The following THSD7A variants were observed in gnomAD, a reference collection of about 807,000 sequenced individuals.
The protein encoded by THSD7A is thrombospondin type 1 domain containing 7A, also known as thrombospondin type-1 domain-containing protein 7A.
THSD7A carries 96 observed loss-of-function variants against 231.3 expected under a neutral mutation model. The ratio of observed to expected loss-of-function variants is 0.41; its 90% CI spans 0.35 to 0.49. The LOEUF is 0.49. Ranked by LOEUF, THSD7A falls within the 20% of genes least tolerant of loss-of-function variation. THSD7A has a pLI of 0.05. For synonymous variants in THSD7A, 940 were observed against 743.3 expected (o/e 1.26, Z -4.30); for missense variants, 2,290 against 2,070.2 (o/e 1.11, Z -2.06).
At chr7:11,705,556 T>C (rs1284691704) in intron 1 of THSD7A, among the ~76,000 whole-genome samples, 1 of 150,950 alleles carries the variant, frequency 6.6e-6, no homozygotes, top group Non-Finnish European at 1.5e-5. Flanking sequence ...ATTTCACACC[T>C]GCCACACAAA....
chr7:11,732,597 T>C (rs9692144), intron 1 of THSD7A, among the ~76,000 whole-genome samples: 110,927 of 151,702 alleles, frequency 0.73, 40,631 homozygotes, highest in South Asian at 0.79. Flanking sequence ...AACATTTACA[T>C]ATACAGTGAA....
chr7:11,764,408 C>G (rs1305659175), intron 1 of THSD7A, among the ~76,000 whole-genome samples: 2 of 151,858 alleles, frequency 1.3e-5, no homozygotes, highest in Non-Finnish European at 2.9e-5. Flanking sequence ...GGTGAAACCC[C>G]GTCTCTACCA....
chr7:11,666,657 G>A (rs1201977510), intron 1 of THSD7A, among the ~76,000 whole-genome samples: 1 of 141,052 alleles, frequency 7.1e-6, no homozygotes, highest in Non-Finnish European at 1.5e-5. Flanking sequence ...ACAGTATACT[G>A]CTTCAGTGAT....
rs756149664 is a variant in THSD7A, at chr7:11,412,703, G to C, written c.3635C>G (p.Pro1212Arg). ...RSCPNAVEKE[P>R]CNLNKNCYHY... is the part of the protein sequence containing the mutation. ...GTAGCAGTTTTTGTTCAGGTTACAG[G>C]GTTCTTTCTCAACAGCATTAGGGCA... is the stretch of plus-strand genomic sequence containing the variant. Residue 1212 changes from proline to arginine, a missense_variant, in exon 18 of 28, where the codon CCC (proline) becomes CGC (arginine). Transcript: ENST00000423059. 7.3e-5 allele frequency: 117 copies of C among 1,613,614 alleles called. No individual in the cohort carries two copies. Among genetic ancestry groups the C allele is most frequent in the Middle Eastern group, 1.6e-4 (1 of 6,082 alleles).
At chr7:11,581,219 A>G (rs1791147683) in intron 4 of THSD7A, among the ~76,000 whole-genome samples, 1 of 152,052 alleles carries the variant, frequency 6.6e-6, no homozygotes, top group Non-Finnish European at 1.5e-5. Flanking sequence ...TGTTATTACT[A>G]CTTTTTAATA....
chr7:11,673,471 T>G (rs1405115437), intron 1 of THSD7A, among the ~76,000 whole-genome samples: 1 of 152,058 alleles, frequency 6.6e-6, no homozygotes, highest in African/African-American at 2.4e-5. Flanking sequence ...CTGCCAGGCT[T>G]GGAAATTGCA....
chr7:11,653,632 A>G (rs563836271), intron 1 of THSD7A, among the ~76,000 whole-genome samples: 1 of 152,012 alleles, frequency 6.6e-6, no homozygotes, highest in Admixed American at 6.6e-5. Context: ...AGTAGCTGGA[A>G]CTACAGGCAT....
rs1783421376 is a variant in THSD7A, at chr7:11,401,968, C to A, written c.4238G>T (p.Gly1413Val). 6.2e-7 allele frequency: 1 copy of A among 1,610,786 alleles called. No individual in the cohort carries two copies. Among genetic ancestry groups the A allele is most frequent in the African/African-American group, 1.3e-5 (1 of 74,742 alleles). The stretch of plus-strand genomic sequence containing the variant: ...AGACCAGTCCTTCAAATAACAGTCA[C>A]CTGTAAAACACATATTTGTAATTTA... ...LEESCSQPCP[G>V]DCYLKDWSSW... Residue 1413 changes from glycine (G) to valine (V), a missense_variant and splice_region_variant, in exon 23 of 28, where the codon GGT becomes GTT. Physicochemically the swap from Gly to Val is moderately radical, Grantham distance 109 (BLOSUM62 -3). Coordinates refer to ENST00000423059, the MANE Select transcript of THSD7A (RefSeq NM_015204.3).
At chr7:11,457,305 A>T (rs1327371544) in intron 11 of THSD7A, among the ~76,000 whole-genome samples, 1 of 152,076 alleles carries the variant, frequency 6.6e-6, no homozygotes, top group East Asian at 1.9e-4. Context: ...TTCCAAAATT[A>T]GCTCTACTTT....
chr7:11,716,534 G>C (rs560351975), intron 1 of THSD7A, among the ~76,000 whole-genome samples: 1 of 151,632 alleles, frequency 6.6e-6, no homozygotes, highest in Admixed American at 6.6e-5. Flanking sequence ...TTGGTTCTAG[G>C]CTTTGGTAAC....
chr7:11,709,513 T>G (rs1185750383), intron 1 of THSD7A, among the ~76,000 whole-genome samples: 1 of 150,780 alleles, frequency 6.6e-6, no homozygotes, highest in Non-Finnish European at 1.5e-5. Flanking sequence ...CTCATGGAGA[T>G]AATGGAAGGA....
chr7:11,442,333 A>G (rs1159152748), intron 13 of THSD7A, among the ~76,000 whole-genome samples: 1 of 152,102 alleles, frequency 6.6e-6, no homozygotes, highest in Middle Eastern at 3.2e-3. Context: ...CTAAAATAAT[A>G]TAATTAAGCT....
chr7:11,787,679 G>C lies in THSD7A; in HGVS notation c.190+44078C>G, dbSNP rs73059137. ...ATGTTTCACATCCTATGTCACTAGG[G>C]AACTGCAAATTAGAACAATGAGATA... On this transcript the variant is annotated intron_variant, in intron 1 of 27. Coordinates refer to ENST00000423059, the MANE Select transcript of THSD7A (RefSeq NM_015204.3). Among the ~76,000 whole-genome samples, 652 of 152,100 alleles carry C rather than the reference G, an allele frequency of 4.3e-3. 4 individuals are homozygous for C. The highest frequency in any genetic ancestry group is 0.021 in the South Asian group (100 of 4,822).
chr7:11,486,558 T>C (rs756928143), intron 6 of THSD7A, among the ~76,000 whole-genome samples: 10 of 151,698 alleles, frequency 6.6e-5, no homozygotes, highest in South Asian at 6.3e-4. Context: ...CTACTGTGAT[T>C]TGTGTAGTTC....
At chr7:11,587,489 A>G (rs17164850) in intron 4 of THSD7A, among the ~76,000 whole-genome samples, 14,309 of 152,206 alleles carry the variant, frequency 0.094, 1,244 homozygotes, top group African/African-American at 0.23. Flanking sequence ...ACACTCTCCA[A>G]TATTGATGAG....
intron 11 of THSD7A, among the ~76,000 whole-genome samples, chr7:11,457,163 T>C (rs1785335141): frequency 6.6e-6 from 1 of 152,054 alleles, no homozygotes; most frequent in South Asian, 2.1e-4. Context: ...TCTATGGAAA[T>C]GTTACCCAAA....
At chr7:11,398,996 G>A (rs1006834930) in intron 23 of THSD7A, among the ~76,000 whole-genome samples, 1 of 152,086 alleles carries the variant, frequency 6.6e-6, no homozygotes, top group Non-Finnish European at 1.5e-5. Context: ...AAAGGTAATG[G>A]GACTAGGCCG....
intron 1 of THSD7A, among the ~76,000 whole-genome samples, chr7:11,805,261 T>G (rs1481412487): frequency 6.6e-6 from 1 of 152,204 alleles, no homozygotes; most frequent in Non-Finnish European, 1.5e-5. Flanking sequence ...GAAATGGGAC[T>G]ATCTCTTTTC....
intron 4 of THSD7A, among the ~76,000 whole-genome samples, chr7:11,560,038 T>A (rs1397914449): frequency 6.6e-6 from 1 of 152,042 alleles, no homozygotes; most frequent in Non-Finnish European, 1.5e-5. Flanking sequence ...CATGTCCAAT[T>A]AAAAGAGAAG....
Sources: gnomAD v4.1 joint callset for allele counts (sites outside exome capture counted in the v4.1 genomes callset) on GRCh38, gnomAD v4.1.1 for gene constraint, MANE v1.5 for transcripts, NCBI Gene and HGNC (gene_info 2026-07-23, HGNC 2026-07-21) for gene names.